The following LMBRD1 variants were observed in gnomAD, a reference collection of about 807,000 sequenced individuals.
LMBRD1 encodes the protein LMBR1 domain containing 1.
Under a neutral mutation model 74.8 loss-of-function variants are expected in LMBRD1, and 64 were observed. The ratio of observed to expected loss-of-function variants is 0.86; its 90% CI spans 0.70 to 1.05. The LOEUF (loss-of-function observed/expected upper bound fraction) is 1.05, where lower values mean the gene tolerates loss of function less well. Ranked by LOEUF, LMBRD1 falls within the 50% of genes least tolerant of loss-of-function variation. LMBRD1 has a pLI of 0.00. For synonymous variants in LMBRD1, 204 were observed against 216.3 expected (o/e 0.94, Z 0.50); for missense variants, 652 against 645.9 (o/e 1.01, Z -0.10).
chr6:69,738,027 G>T lies in LMBRD1; in HGVS notation c.563-12C>A, dbSNP rs1767012728. On this transcript the variant is annotated splice_polypyrimidine_tract_variant and intron_variant, in intron 6 of 15. Coordinates refer to ENST00000649934, the MANE Select transcript of LMBRD1 (RefSeq NM_018368.4). ...TGCAGCTAAACCATCTGTGAAGAAA[G>T]AAAAACTGTTAAAAATGTACATATA... is the stretch of plus-strand genomic sequence containing the variant. The T allele has an allele frequency of 1.3e-6, 2 of 1,592,196 alleles. No individual in the cohort carries two copies. The highest frequency in any genetic ancestry group is 1.7e-5 in the Admixed American group (1 of 59,488).
Position 69,701,921 on chromosome 6 carries a change from T to A in LMBRD1, c.948A>T (p.Ala316=). ...AGAAGAGAGAAATTACAAACAGCAA[T>A]GCAACTAAGATGAAAAATATTCCCC... ...IVWGIFFILV[A]LLFVISLFLS... is the part of the protein sequence containing the mutation. Residue 316 remains alanine, a synonymous_variant, in exon 10 of 16, where the codon GCA becomes GCT. Transcript: ENST00000649934. 6.2e-7 allele frequency: 1 copy of A among 1,601,950 alleles called. No individual in the cohort carries two copies. Among genetic ancestry groups the A allele is most frequent in the Non-Finnish European group, 8.5e-7 (1 of 1,169,862 alleles).
chr6:69,680,007 T>C (rs976986861), intron 14 of LMBRD1, among the ~76,000 whole-genome samples: 1 of 152,178 alleles, frequency 6.6e-6, no homozygotes, highest in African/African-American at 2.4e-5. Context: ...TAGTCATTAA[T>C]ATCATGACTA....
At chr6:69,678,983 A>G (rs1765604393) in intron 14 of LMBRD1, among the ~76,000 whole-genome samples, 1 of 151,864 alleles carries the variant, frequency 6.6e-6, no homozygotes, top group Non-Finnish European at 1.5e-5. Context: ...CTGTACTTCA[A>G]CATTTACTTC....
chr6:69,696,629 A>G (rs776851170), intron 14 of LMBRD1, among the ~76,000 whole-genome samples: 36 of 151,974 alleles, frequency 2.4e-4, no homozygotes, highest in Admixed American at 7.2e-4. Flanking sequence ...CATACCAGAT[A>G]ACCTTAAAAT....
At chr6:69,691,109 T>C (rs1284875525) in intron 14 of LMBRD1, among the ~76,000 whole-genome samples, 2 of 151,252 alleles carry the variant, frequency 1.3e-5, no homozygotes, top group African/African-American at 2.4e-5. Context: ...CAAACAACCA[T>C]TTCCATTATA....
At chr6:69,711,862 G>C (rs1184367206) in intron 9 of LMBRD1, among the ~76,000 whole-genome samples, 2 of 151,934 alleles carry the variant, frequency 1.3e-5, no homozygotes, top group Non-Finnish European at 2.9e-5. Flanking sequence ...TAAGTTCACG[G>C]GTACAAATGC....
chr6:69,780,117 C>CT (rs34490213), intron 3 of LMBRD1, among the ~76,000 whole-genome samples: 4,461 of 115,196 alleles, frequency 0.039, 152 homozygotes, highest in African/African-American at 0.086. Flanking sequence ...TGGGAGGGTC[C>CT]TTTTTTTTTT....
chr6:69,793,922 T>C (rs981952427), intron 1 of LMBRD1, among the ~76,000 whole-genome samples: 4 of 151,940 alleles, frequency 2.6e-5, no homozygotes, highest in African/African-American at 9.7e-5. Context: ...GGCTTTGCCA[T>C]GCTGCCCAGG....
At chr6:69,780,645 C>T (rs1161256989) in intron 2 of LMBRD1, 91 bp from the exon 3 acceptor site, 4 of 913,450 alleles carry the variant, frequency 4.4e-6, no homozygotes, top group Non-Finnish European at 7.2e-6. Context: ...AATATCACTT[C>T]CAAAATCTAT....
chr6:69,795,280 C>G (rs1348951432), intron 1 of LMBRD1, among the ~76,000 whole-genome samples: 3 of 152,140 alleles, frequency 2.0e-5, no homozygotes, highest in Non-Finnish European at 4.4e-5. Flanking sequence ...CTTAAATGGC[C>G]TCTCTTCTTC....
chr6:69,781,606 C>T (rs559631662), intron 2 of LMBRD1, among the ~76,000 whole-genome samples: 1 of 152,022 alleles, frequency 6.6e-6, no homozygotes, highest in African/African-American at 2.4e-5. Flanking sequence ...GTAGAAAATC[C>T]AAACTTACTT....
intron 1 of LMBRD1, among the ~76,000 whole-genome samples, chr6:69,795,094 A>G (rs1407932681): frequency 1.3e-5 from 2 of 152,248 alleles, no homozygotes; most frequent in Non-Finnish European, 2.9e-5. Flanking sequence ...TTCGACTAAA[A>G]TAACATACCC....
chr6:69,790,389 A>C lies in LMBRD1; in HGVS notation c.153T>G (p.Ile51Met), dbSNP rs1352209121. 6.2e-7 allele frequency: 1 copy of C among 1,613,944 alleles called. No homozygotes were observed. Among genetic ancestry groups the C allele is most frequent in the Non-Finnish European group, 8.5e-7 (1 of 1,179,878 alleles). ...TGATAAGTGCAATTGCTAGAGAAAAAATTGCTGTTATGGTGGAGACAACTT... is the reference window on the plus strand; with the variant it reads ...TGATAAGTGCAATTGCTAGAGAAAACATTGCTGTTATGGTGGAGACAACTT... ...ESEVVSTITA[I>M]FSLAIALITS... The change falls in exon 2 of 16, where the codon ATT becomes ATG. Residue 51 changes from isoleucine to methionine, a missense_variant. Physicochemically the swap from Ile to Met is conservative, Grantham distance 10 (BLOSUM62 1). Transcript: ENST00000649934.
At chr6:69,731,446 A>T (rs1450763460) in intron 7 of LMBRD1, among the ~76,000 whole-genome samples, 3 of 152,136 alleles carry the variant, frequency 2.0e-5, no homozygotes, top group Non-Finnish European at 4.4e-5. Flanking sequence ...CCTATTATGT[A>T]TCAATAAAAA....
chr6:69,717,740 T>A (rs1766523644), intron 8 of LMBRD1, among the ~76,000 whole-genome samples: 1 of 152,182 alleles, frequency 6.6e-6, no homozygotes, highest in Admixed American at 6.6e-5. Context: ...ATCATCCAGA[T>A]AGGCTGGAGT....
rs576578223 is a variant in LMBRD1, at chr6:69,765,938, A to G, written c.308-13582T>C. ...TTGTCTGTTTCTAGTTTTCATATCA[A>G]TCTTATACTTGTGATTCTGCTAACA... On this transcript the variant is annotated intron_variant, in intron 3 of 15. Coordinates refer to ENST00000649934, the MANE Select transcript of LMBRD1 (RefSeq NM_018368.4). 6.6e-5 allele frequency among the ~76,000 whole-genome samples: 10 copies of G among 151,854 alleles called. 1 individual carries two copies. In the South Asian group the frequency reaches 1.9e-3, roughly 28 times the overall value.
At chr6:69,711,520 A>G (rs1224984784) in intron 9 of LMBRD1, among the ~76,000 whole-genome samples, 1 of 152,190 alleles carries the variant, frequency 6.6e-6, no homozygotes, top group African/African-American at 2.4e-5. Flanking sequence ...ATTTATAAAA[A>G]CCTAAAAACA....
At chr6:69,767,773 T>C (rs1765500874) in intron 3 of LMBRD1, among the ~76,000 whole-genome samples, 1 of 151,914 alleles carries the variant, frequency 6.6e-6, no homozygotes, top group Non-Finnish European at 1.5e-5. Flanking sequence ...AGAAAACAAT[T>C]ATTTCCTAAC....
intron 7 of LMBRD1, among the ~76,000 whole-genome samples, chr6:69,737,518 A>T (rs1288564217): frequency 6.6e-6 from 1 of 151,530 alleles, no homozygotes; most frequent in African/African-American, 2.4e-5. Flanking sequence ...CCAGTAATAG[A>T]TATGGTCTAT....
Sources: gnomAD v4.1 joint callset for allele counts (sites outside exome capture counted in the v4.1 genomes callset) on GRCh38, gnomAD v4.1.1 for gene constraint, MANE v1.5 for transcripts, NCBI Gene and HGNC (gene_info 2026-07-23, HGNC 2026-07-21) for gene names.